WNK1: variants seen among roughly 807,000 people sequenced by gnomAD.
WNK1 encodes serine/threonine-protein kinase WNK1.
A neutral mutation model predicts 222.8 loss-of-function variants in WNK1; 38 were observed. The observed-to-expected ratio is 0.17, with a 90% CI of 0.13 to 0.22. The LOEUF (loss-of-function observed/expected upper bound fraction) is 0.22, where lower values mean the gene tolerates loss of function less well. WNK1 is among the 10% of genes least tolerant of loss of function. The probability of loss-of-function intolerance (pLI) is 1.00; values close to 1 mark genes in which losing one functional copy is unlikely to be tolerated. For missense variants in WNK1, 2,348 were observed against 2,918.4 expected, an observed-to-expected ratio of 0.80 and a Z score of 4.50; for synonymous variants, 1,090 against 1,092.9, an observed-to-expected ratio of 1.00 and a Z score of 0.05.
At position 887,283 on chromosome 12, in the gene WNK1, T is replaced by C; in HGVS notation, c.5343T>C (p.Phe1781=). The C allele has an allele frequency of 6.2e-7, 1 of 1,614,194 alleles. No homozygotes were observed. Residue 1781 remains phenylalanine, a synonymous_variant, in exon 20 of 28, where the codon TTT becomes TTC. Coordinates refer to ENST00000315939, the MANE Select transcript of WNK1 (RefSeq NM_018979.4). ...GTLPSEQLPP[F]PGPSLTQSQQ... ...TACCCAGCGAGCAGCTGCCACCTTT[T>C]CCAGGACCTTCTCTAACCCAGGTGC... is the stretch of plus-strand genomic sequence containing the variant.
chr12:904,602 C>T, intron 26 of WNK1: 1 of 676,610 alleles, frequency 1.5e-6, no homozygotes, highest in South Asian at 1.5e-5. Flanking sequence ...TTCCATCTAT[C>T]TCTGTATCCT....
rs142777472 is a variant in WNK1, at chr12:907,555, A to G, written c.6644-292A>G. ...AATAGCGTACTGGCGAGCAGTTCCA[A>G]TACTCTTAGGTGCTTTGTGAATGGA... On this transcript the variant is annotated intron_variant, in intron 26 of 27. Transcript: ENST00000315939. 8.5e-4 allele frequency among the ~76,000 whole-genome samples: 130 copies of G among 152,336 alleles called. 2 individuals are homozygous for G. The highest frequency in any genetic ancestry group is 7.9e-3 in the South Asian group (38 of 4,828).
chr12:879,720 G>T lies in WNK1; in HGVS notation c.2521G>T (p.Val841Phe), dbSNP rs772490082. 6.2e-7 allele frequency: 1 copy of T among 1,613,752 alleles called. No homozygotes were observed. Among genetic ancestry groups the T allele is most frequent in the South Asian group, 1.1e-5 (1 of 91,068 alleles). The change falls in exon 11 of 28, where the codon GTC becomes TTC. Residue 841 changes from valine to phenylalanine, a missense_variant. By Grantham distance (50) the Val-to-Phe change is conservative. Transcript: ENST00000315939. ...TACTCCCTTGCTCCCTCAGTACCCT[G>T]TCTCTCAGATTCCCATATCAACTCC... ...LPTPLLPQYP[V>F]SQIPISTPHV...
intron 9 of WNK1, among the ~76,000 whole-genome samples, chr12:877,491 A>G (rs1317303919): frequency 6.6e-6 from 1 of 152,218 alleles, no homozygotes; most frequent in East Asian, 1.9e-4. Context: ...CATGCATTAA[A>G]TTAGGTGTAT....
chr12:779,694 G>C (rs952684004), intron 1 of WNK1, among the ~76,000 whole-genome samples: 1 of 152,096 alleles, frequency 6.6e-6, no homozygotes, highest in African/African-American at 2.4e-5. Context: ...GAGCCACCGC[G>C]CCTGGCTCCT....
rs1953931350 is a variant in WNK1, at chr12:888,879, A to G, written c.5365-261A>G. The stretch of plus-strand genomic sequence containing the variant: ...TCTACCGTTTTGAGTAACATCAAAC[A>G]TAGAATGTAATAAGACTTCTCTTAA... On this transcript the variant is annotated intron_variant, in intron 20 of 27. Coordinates refer to ENST00000315939, the MANE Select transcript of WNK1 (RefSeq NM_018979.4). 4.6e-5 allele frequency among the ~76,000 whole-genome samples: 7 copies of G among 152,366 alleles called. No individual in the cohort carries two copies. The South Asian group carries it at 1.0e-3, about 23-fold the overall frequency.
chr12:870,332 T>A (rs1326285228), intron 8 of WNK1, among the ~76,000 whole-genome samples: 1 of 152,204 alleles, frequency 6.6e-6, no homozygotes, highest in Non-Finnish European at 1.5e-5. Context: ...TCCTTTAGAC[T>A]TTCCAAAGTA....
At chr12:899,288 C>T (rs1275906174) in intron 25 of WNK1, among the ~76,000 whole-genome samples, 2 of 146,018 alleles carry the variant, frequency 1.4e-5, no homozygotes, top group African/African-American at 5.1e-5. Context: ...CTGATCTGAT[C>T]CCAATCAGAT....
At chr12:850,505 C>T (rs1222407429) in intron 4 of WNK1, among the ~76,000 whole-genome samples, 1 of 152,038 alleles carries the variant, frequency 6.6e-6, no homozygotes, top group African/African-American at 2.4e-5. Context: ...AAAATTTTCT[C>T]CCATTCTGTA....
rs762647323 is a variant in WNK1, at chr12:868,079, C to A, written c.2140-3186C>A. 19 of 1,613,902 alleles carry A rather than the reference C, an allele frequency of 1.2e-5. No homozygotes were observed. The highest frequency in any genetic ancestry group is 1.5e-5 in the Non-Finnish European group (18 of 1,179,910). Reference sequence around the variant, plus strand: ...GCTGAGGACTGTTGGCCAAAGTCTTCTTCCACCTGGTGGCAGCCCAACTAA... The same window carrying A: ...GCTGAGGACTGTTGGCCAAAGTCTTATTCCACCTGGTGGCAGCCCAACTAA... On this transcript the variant is annotated intron_variant, in intron 8 of 27. Transcript: ENST00000315939.
chr12:848,495 A>AGTTT (rs1950187201), intron 4 of WNK1, among the ~76,000 whole-genome samples: 1 of 42,840 alleles, frequency 2.3e-5, no homozygotes, highest in Non-Finnish European at 5.0e-5. Flanking sequence ...GCCAGTAAAA[A>AGTTT]CTTTTTTTTT....
intron 4 of WNK1, among the ~76,000 whole-genome samples, chr12:841,251 G>A (rs1419757489): frequency 6.6e-6 from 1 of 152,144 alleles, no homozygotes; most frequent in African/African-American, 2.4e-5. Context: ...CCAGTTAGCA[G>A]TCATTTCCCA....
At chr12:823,191 C>T (rs7314017) in intron 2 of WNK1, among the ~76,000 whole-genome samples, 64,372 of 152,000 alleles carry the variant, frequency 0.42, 15,222 homozygotes, top group East Asian at 0.81. Flanking sequence ...TCACTTCTCC[C>T]TTGCTACTTT....
Position 827,515 on chromosome 12 carries a change from C to G in WNK1, c.1153+253C>G, listed in dbSNP as rs1034298101. The G allele has an allele frequency of 1.7e-5, 9 of 516,834 alleles. No homozygotes were observed. Among genetic ancestry groups the G allele is most frequent in the South Asian group, 1.5e-4 (6 of 39,500 alleles). 32.0% of individuals were successfully genotyped at this position (516,834 alleles called of 1,614,324 possible). A position where few individuals can be genotyped will look rare whatever the true frequency, so the allele number is the denominator to read the frequency against. On this transcript the variant is annotated intron_variant, in intron 3 of 27. Transcript: ENST00000315939. The surrounding 1 kb of genome is among the most constrained non-coding windows in gnomAD (Gnocchi z 4.6). ...TTGTTGATAAAACCTAATGTAATAG[C>G]CTTTTTTGTTGTTGTTGTTGTTGTT...
At chr12:867,237 A>C (rs917159458) in intron 8 of WNK1, among the ~76,000 whole-genome samples, 4 of 152,248 alleles carry the variant, frequency 2.6e-5, no homozygotes, top group East Asian at 3.8e-4. Context: ...TAATAAAACT[A>C]TTAATCATCT....
chr12:786,308 T>G (rs1287499582), intron 1 of WNK1, among the ~76,000 whole-genome samples: 1 of 152,230 alleles, frequency 6.6e-6, no homozygotes, highest in Non-Finnish European at 1.5e-5. Context: ...AGCTTTATAT[T>G]TAGGCTGGGT....
At chr12:802,764 T>C (rs1367677348) in intron 1 of WNK1, among the ~76,000 whole-genome samples, 1 of 152,228 alleles carries the variant, frequency 6.6e-6, no homozygotes. Context: ...GAAAATGTTA[T>C]GATTTACATA....
chr12:753,288 C>T lies in WNK1; in HGVS notation c.-278C>T. The T allele has an allele frequency of 2.0e-6, 1 of 496,496 alleles. No individual in the cohort carries two copies. The highest frequency in any genetic ancestry group is 2.4e-5 in the South Asian group (1 of 40,950). The allele number at this position is 496,496 out of a possible 1,614,324, so 30.8% of individuals were successfully genotyped here. ...CGCTCGCCGCAGGATGGATGCGGAC[C>T]GTGCGGCGCTAACCCCCGTGGCTCA... On this transcript the variant is annotated 5_prime_UTR_variant, in exon 1 of 28. Transcript: ENST00000315939. This position sits in a 1 kb window ranked among gnomAD's most constrained non-coding sequence, Gnocchi z 5.2.
chr12:801,726 A>G (rs1470626572), intron 1 of WNK1, among the ~76,000 whole-genome samples: 1 of 151,968 alleles, frequency 6.6e-6, no homozygotes, highest in African/African-American at 2.4e-5. Context: ...CTATTTTCCC[A>G]CTAAAATTAT....
Sources: gnomAD v4.1 joint callset for allele counts (sites outside exome capture counted in the v4.1 genomes callset) on GRCh38, gnomAD v4.1.1 for gene constraint, Gnocchi (gnomAD v3.1) non-coding constraint, MANE v1.5 for transcripts, NCBI Gene and HGNC (gene_info 2026-07-23, HGNC 2026-07-21) for gene names.